IQSEC3: variants seen among roughly 807,000 people sequenced by gnomAD.
IQSEC3 encodes IQ motif and Sec7 domain ArfGEF 3, also known as IQ motif and SEC7 domain-containing protein 3.
In IQSEC3, 50 loss-of-function variants were observed where a neutral mutation model predicts 105.4. The observed-to-expected ratio is 0.47, with a 90% CI of 0.38 to 0.60. The LOEUF (loss-of-function observed/expected upper bound fraction) is 0.60, where lower values mean the gene tolerates loss of function less well. Among genes scored for constraint, IQSEC3 ranks in the 20% least tolerant of loss-of-function variants. The pLI is 0.00. For synonymous variants in IQSEC3, 708 were observed against 746.0 expected (o/e 0.95, Z 0.83); for missense variants, 1,415 against 1,630.0 (o/e 0.87, Z 2.27).
chr12:98,747 G>T (rs1864319726), intron 1 of IQSEC3, among the ~76,000 whole-genome samples: 1 of 152,216 alleles, frequency 6.6e-6, no homozygotes, highest in African/African-American at 2.4e-5. Context: ...TAGACAAATA[G>T]ACTTAGTTCT....
rs138356225 is a variant in IQSEC3 at position 123,542 on chromosome 12, A to C, written c.624-2091A>C. Among the ~76,000 whole-genome samples, 297 of 152,376 alleles carry C rather than the reference A, an allele frequency of 1.9e-3. 1 individual carries two copies. Among genetic ancestry groups the C allele is most frequent in the African/African-American group, 6.8e-3 (283 of 41,592 alleles). On this transcript the variant is annotated intron_variant, in intron 2 of 13. Transcript: ENST00000538872. ...AATGGTGGACATAGAAAAAGGCAGC[A>C]GCAATGAAGATTTTTCACGGCCAGG... is the stretch of plus-strand genomic sequence containing the variant.
At chr12:127,680 G>GAGA (rs1398552975) in intron 3 of IQSEC3, among the ~76,000 whole-genome samples, 1 of 152,144 alleles carries the variant, frequency 6.6e-6, no homozygotes, top group Non-Finnish European at 1.5e-5. Flanking sequence ...CCCACTTTTT[G>GAGA]AGAAGTGTCT....
Position 152,130 on chromosome 12 carries a change from G to A in IQSEC3, c.2154-4895G>A, listed in dbSNP as rs76237762. Among the ~76,000 whole-genome samples the A allele has an allele frequency of 3.7e-3, 558 of 152,044 alleles. 5 individuals carry two copies. The highest frequency in any genetic ancestry group is 0.012 in the African/African-American group (498 of 41,452). On this transcript the variant is annotated intron_variant, in intron 5 of 13. Transcript: ENST00000538872. This position sits in a 1 kb window ranked among gnomAD's most constrained non-coding sequence, Gnocchi z 4.8. Reference sequence around the variant, plus strand: ...TTGCACACGGGGCCACTCAGTGCTCGTTGCTGAAAGAGTCAACCAGCCACT... The same window carrying A: ...TTGCACACGGGGCCACTCAGTGCTCATTGCTGAAAGAGTCAACCAGCCACT...
chr12:96,261 G>A (rs1864240864), intron 1 of IQSEC3, among the ~76,000 whole-genome samples: 1 of 152,210 alleles, frequency 6.6e-6, no homozygotes, highest in Non-Finnish European at 1.5e-5. Flanking sequence ...AAAAGACGTG[G>A]AATCAGTAGA....
In IQSEC3 at chr12:103,563, A is replaced by G. The variant is rs11831866; in HGVS notation, c.623+4349A>G. ...GAGAGGTGGAGTTCGGTGGGGAGGC[A>G]GGGCTCAGGGGGAGGTGGGGGCTCA... On this transcript the variant is annotated intron_variant, in intron 2 of 13. Coordinates refer to ENST00000538872, the MANE Select transcript of IQSEC3 (RefSeq NM_001170738.2). 4.4e-3 allele frequency among the ~76,000 whole-genome samples: 6 copies of G among 1,378 alleles called. 1 individual carries two copies. Among genetic ancestry groups the G allele is most frequent in the Admixed American group, 0.022 (2 of 90 alleles). The allele number at this position is 1,378 out of a possible 152,430, so 0.9% of individuals were successfully genotyped here. A position where few individuals can be genotyped will look rare whatever the true frequency, so the allele number is the denominator to read the frequency against.
At chr12:125,984 AG>A in intron 3 of IQSEC3, 72 bp downstream of exon 3, 3 of 1,417,480 alleles carry the variant, frequency 2.1e-6, no homozygotes, top group South Asian at 1.3e-5. Context: ...CGAGGGTACC[AG>A]GGATATCCCC....
At chr12:74,029 C>T (rs1198319946) in intron 1 of IQSEC3, among the ~76,000 whole-genome samples, 20 of 152,212 alleles carry the variant, frequency 1.3e-4, no homozygotes, top group South Asian at 2.1e-4. Flanking sequence ...AGTTATCACC[C>T]GATGCCCCAT....
intron 7 of IQSEC3, among the ~76,000 whole-genome samples, chr12:160,576 TC>T (rs1406496134): frequency 1.3e-5 from 2 of 152,068 alleles, no homozygotes; most frequent in Non-Finnish European, 2.9e-5. Flanking sequence ...GGGTGTGGGG[TC>T]CCTCATCTCA....
chr12:138,701 C>T lies in IQSEC3; in HGVS notation c.1338C>T (p.Pro446=), dbSNP rs1555087546. The T allele has an allele frequency of 6.5e-7, 1 of 1,526,852 alleles. No homozygotes were observed. The highest frequency in any genetic ancestry group is 8.8e-7 in the Non-Finnish European group (1 of 1,141,320). The allele number at this position is 1,526,852 out of a possible 1,614,324, so 94.6% of individuals were successfully genotyped here. Residue 446 remains proline, a synonymous_variant, in exon 4 of 14, where the codon CCC becomes CCT. Coordinates refer to ENST00000538872, the MANE Select transcript of IQSEC3 (RefSeq NM_001170738.2). This position sits in a 1 kb window ranked among gnomAD's most constrained non-coding sequence, Gnocchi z 7.1. The part of the protein sequence containing the change: ...LHQALQAAAG[P]PGLEAEGRAP... ...AGGCCCTGCAGGCGGCCGCGGGGCC[C>T]CCAGGCCTGGAGGCCGAGGGGCGGG...
intron 11 of IQSEC3, among the ~76,000 whole-genome samples, chr12:168,339 C>T (rs545722323): frequency 6.6e-6 from 1 of 152,302 alleles, no homozygotes; most frequent in East Asian, 1.9e-4. Context: ...GTGGACTTTC[C>T]TCCTTGGGAG....
intron 5 of IQSEC3, among the ~76,000 whole-genome samples, chr12:153,572 T>C (rs181370437): frequency 3.5e-4 from 53 of 152,210 alleles, no homozygotes; most frequent in Middle Eastern, 3.4e-3. Context: ...TGTCATTTTT[T>C]CCCCCAGGGT....
At chr12:105,878 C>T (rs1416894669) in intron 2 of IQSEC3, among the ~76,000 whole-genome samples, 22 of 152,228 alleles carry the variant, frequency 1.4e-4, no homozygotes, top group Non-Finnish European at 4.4e-5. Context: ...AGACTGGCCC[C>T]TTCATGTGAC....
intron 1 of IQSEC3, among the ~76,000 whole-genome samples, chr12:83,049 T>G (rs1555071077): frequency 6.6e-6 from 1 of 152,164 alleles, no homozygotes; most frequent in Non-Finnish European, 1.5e-5. Flanking sequence ...GCACACTCAC[T>G]TATCGTCGCA....
intron 2 of IQSEC3, among the ~76,000 whole-genome samples, chr12:114,405 G>A (rs946259691): frequency 4.6e-5 from 7 of 152,230 alleles, no homozygotes; most frequent in African/African-American, 1.7e-4. Context: ...TGGGATAGCA[G>A]GTGTTGGGCG....
rs1555090725 is a variant in IQSEC3 at position 145,494 on chromosome 12, C to T, written c.2153+4209C>T. Among the ~76,000 whole-genome samples the T allele has an allele frequency of 3.9e-5, 6 of 152,212 alleles. No individual in the cohort carries two copies. The South Asian group carries it at 1.2e-3, about 32-fold the overall frequency. On this transcript the variant is annotated intron_variant, in intron 5 of 13. Coordinates refer to ENST00000538872, the MANE Select transcript of IQSEC3 (RefSeq NM_001170738.2). Reference sequence around the variant, plus strand: ...TAGAACCCTCCACTCCCCGCCATCCCATTCCCCGCGCACAAGGAAACCTCC... The same window carrying T: ...TAGAACCCTCCACTCCCCGCCATCCTATTCCCCGCGCACAAGGAAACCTCC...
intron 2 of IQSEC3, among the ~76,000 whole-genome samples, chr12:109,574 C>A (rs1247069271): frequency 6.6e-6 from 1 of 151,998 alleles, no homozygotes; most frequent in Non-Finnish European, 1.5e-5. Context: ...CACTATTCCT[C>A]AGGCAGCCTG....
chr12:170,165 C>T lies in IQSEC3; in HGVS notation c.3065-947C>T, dbSNP rs377293968. ...TTCCTGTATGGGTTTGACCTGCCAT[C>T]GTGCGTCCGTAATTCTCCACGCTGC... On this transcript the variant is annotated intron_variant, in intron 12 of 13. Coordinates refer to ENST00000538872, the MANE Select transcript of IQSEC3 (RefSeq NM_001170738.2). Among the ~76,000 whole-genome samples, 100 of 152,328 alleles carry T rather than the reference C, an allele frequency of 6.6e-4. No individual in the cohort carries two copies. In the South Asian group the frequency reaches 0.02, roughly 31 times the overall value.
At chr12:87,118 C>A (rs782254646) in intron 1 of IQSEC3, among the ~76,000 whole-genome samples, 4 of 152,110 alleles carry the variant, frequency 2.6e-5, no homozygotes, top group African/African-American at 7.2e-5. Context: ...GCTCAGAAAT[C>A]TGTAGTTTTG....
intron 5 of IQSEC3, among the ~76,000 whole-genome samples, chr12:145,363 T>G (rs754913312): frequency 3.9e-5 from 6 of 152,202 alleles, no homozygotes; most frequent in Non-Finnish European, 8.8e-5. Context: ...CAACTTGAAC[T>G]CCCGGGCCCA....
Sources: gnomAD v4.1 joint callset for allele counts (sites outside exome capture counted in the v4.1 genomes callset) on GRCh38, gnomAD v4.1.1 for gene constraint, Gnocchi (gnomAD v3.1) non-coding constraint, MANE v1.5 for transcripts, NCBI Gene and HGNC (gene_info 2026-07-23, HGNC 2026-07-21) for gene names.